Variants in SYT3 observed in about 807,000 individuals in gnomAD.
SYT3 encodes the protein synaptotagmin-3.
Under a neutral mutation model 50.6 loss-of-function variants are expected in SYT3, and 25 were observed. The ratio of observed to expected loss-of-function variants is 0.49; its 90% confidence interval spans 0.36 to 0.69. SYT3 has a LOEUF of 0.69. Among genes scored for constraint, SYT3 ranks in the 30% least tolerant of loss-of-function variants. The pLI is 0.00. For synonymous variants in SYT3, 323 were observed against 353.9 expected (o/e 0.91, Z 0.98); for missense variants, 589 against 793.6 (o/e 0.74, Z 3.10).
At chr19:50,653,694 AC>A in the SYT3 span, among the ~76,000 whole-genome samples, 2 of 107,424 alleles carry the variant, frequency 1.9e-5, no homozygotes, top group Non-Finnish European at 3.4e-5. Flanking sequence ...ACACACACAC[AC>A]ACACACACAC....
chr19:50,651,441 C>T, the SYT3 span, among the ~76,000 whole-genome samples: 1 of 152,176 alleles, frequency 6.6e-6, no homozygotes, highest in Non-Finnish European at 1.5e-5. Context: ...GCTTTCCCTC[C>T]ACCTTGTAAC....
chr19:50,636,841 C>A (rs1218104473), intron 3 of SYT3, among the ~76,000 whole-genome samples: 1 of 152,198 alleles, frequency 6.6e-6, no homozygotes, highest in Non-Finnish European at 1.5e-5. Flanking sequence ...AGTCTTTCAT[C>A]TGCTCTATGA....
chr19:50,640,143 C>G (rs1005158225), upstream of SYT3, among the ~76,000 whole-genome samples: 2 of 152,288 alleles, frequency 1.3e-5, no homozygotes, highest in Admixed American at 1.3e-4. Flanking sequence ...CCCCTCTTCC[C>G]AGGAACCCAG....
At position 50,625,239 on chromosome 19, in the gene SYT3, G is replaced by A. The variant is rs749859807; in HGVS notation, c.1630C>T (p.Pro544Ser). 7 of 1,576,032 alleles carry A rather than the reference G, an allele frequency of 4.4e-6. No homozygotes were observed. In the Admixed American group the frequency reaches 1.1e-4, roughly 24 times the overall value. The change falls in exon 9 of 11, where the codon CCG becomes TCG. Residue 544 changes from proline to serine, a missense_variant. Transcript: ENST00000600079. The surrounding 1 kb of genome is among the most constrained non-coding windows in gnomAD (Gnocchi z 7.5). ...TCTGCCCAGTGCTCGCGGCCGTGCGGGTCGGCAGCGTCGGGGCCCACACGG... is the reference window on the plus strand; with the variant it reads ...TCTGCCCAGTGCTCGCGGCCGTGCGAGTCGGCAGCGTCGGGGCCCACACGG... ...VCRVGPDAAD[P>S]HGREHWAEML...
intron 6 of SYT3, among the ~76,000 whole-genome samples, chr19:50,628,807 A>T (rs1020408409): frequency 6.7e-6 from 1 of 149,718 alleles, no homozygotes; most frequent in African/African-American, 2.5e-5. Context: ...AATGGTGTCC[A>T]CTGTATCATT....
At chr19:50,646,674 G>A in the SYT3 span, among the ~76,000 whole-genome samples, 4 of 152,056 alleles carry the variant, frequency 2.6e-5, no homozygotes, top group Non-Finnish European at 5.9e-5. Flanking sequence ...GCTTCCTGGA[G>A]GAGAGGGCAC....
At chr19:50,655,788 C>T in the SYT3 span, among the ~76,000 whole-genome samples, 1 of 152,208 alleles carries the variant, frequency 6.6e-6, no homozygotes, top group Non-Finnish European at 1.5e-5. Context: ...TCCTGCCTTG[C>T]AGGCTCCCAC....
upstream of SYT3, among the ~76,000 whole-genome samples, chr19:50,640,264 G>T (rs960704405): frequency 3.3e-5 from 5 of 152,216 alleles, no homozygotes; most frequent in Admixed American, 3.3e-4. Context: ...AGGGACCTGG[G>T]TTTGAATCCC....
chr19:50,652,968 C>T, the SYT3 span, among the ~76,000 whole-genome samples: 1 of 152,124 alleles, frequency 6.6e-6, no homozygotes, highest in Non-Finnish European at 1.5e-5. Flanking sequence ...GCTTCTGTTT[C>T]ATCATGTGTT....
In SYT3 at chr19:50,625,761, TCCTCCCTC is replaced by T; in HGVS notation, c.1402+128_1402+135del. On this transcript the variant is annotated intron_variant, in intron 7 of 10. Transcript: ENST00000600079. This position sits in a 1 kb window ranked among gnomAD's most constrained non-coding sequence, Gnocchi z 7.5. ...CCCAGGAGTCCAGGCCCCTGGCCCC[TCCTCCCTC>T]AGACCCAGGAGTCCAGATCCCCAGC... 10 of 813,306 alleles carry T rather than the reference TCCTCCCTC, an allele frequency of 1.2e-5. No homozygotes were observed. Among genetic ancestry groups the T allele is most frequent in the South Asian group, 5.1e-5 (3 of 59,292 alleles). The allele number at this position is 813,306 out of a possible 1,614,324, so 50.4% of individuals were successfully genotyped here.
At position 50,622,077 on chromosome 19, in the gene SYT3, A is replaced by G. The variant is rs1166478681; in HGVS notation, c.*408T>C. ...GGTGTGGCGAACAGAAGGGGTGGACACAGGTGTGTGTGTGTCTGAAAGGAC... is the reference window on the plus strand; with the variant it reads ...GGTGTGGCGAACAGAAGGGGTGGACGCAGGTGTGTGTGTGTCTGAAAGGAC... On this transcript the variant is annotated 3_prime_UTR_variant, in exon 11 of 11. Transcript: ENST00000600079. The G allele has an allele frequency of 2.6e-5, 2 of 78,422 alleles. No individual in the cohort carries two copies. Among genetic ancestry groups the G allele is most frequent in the Non-Finnish European group, 4.9e-5 (2 of 40,620 alleles). The allele number at this position is 78,422 out of a possible 1,614,324, so 4.9% of individuals were successfully genotyped here. A position where few individuals can be genotyped will look rare whatever the true frequency, so the allele number is the denominator to read the frequency against.
chr19:50,634,616 C>T (rs569757251), intron 3 of SYT3, among the ~76,000 whole-genome samples: 15 of 124,788 alleles, frequency 1.2e-4, no homozygotes, highest in South Asian at 5.8e-4. Flanking sequence ...CAGAGTCTTG[C>T]TCTATCATCC....
chr19:50,653,721 CA>C, the SYT3 span, among the ~76,000 whole-genome samples: 1 of 148,876 alleles, frequency 6.7e-6, no homozygotes, highest in Non-Finnish European at 1.5e-5. Context: ...CACACACACA[CA>C]CACACACACA....
At chr19:50,627,496 G>A (rs571771072) in intron 6 of SYT3, among the ~76,000 whole-genome samples, 6 of 152,314 alleles carry the variant, frequency 3.9e-5, no homozygotes, top group African/African-American at 9.6e-5. Context: ...TGAGGTGGGC[G>A]GTTAACCTGA....
chr19:50,637,432 T>C lies in SYT3; in HGVS notation c.-15-6A>G, dbSNP rs2287820. ...GACATGGTGGCCGTCTGGTCCTGTG[T>C]GTGGGAGGGATGGGGCAAGGGTGCA... is the stretch of plus-strand genomic sequence containing the variant. On this transcript the variant is annotated splice_polypyrimidine_tract_variant and splice_region_variant and intron_variant, in intron 2 of 10. Transcript: ENST00000600079. This position sits in a 1 kb window ranked among gnomAD's most constrained non-coding sequence, Gnocchi z 4.9. The C allele has an allele frequency of 0.17, 269,371 of 1,578,262 alleles. 24,066 individuals are homozygous for C. The highest frequency in any genetic ancestry group is 0.18 in the Non-Finnish European group (209,820 of 1,158,634).
At position 50,625,716 on chromosome 19, in the gene SYT3, C is replaced by G; in HGVS notation, c.1403-152G>C. Reference sequence around the variant, plus strand: ...TTCCTCAGGCCCAAGAGTCCAGACCCCAGGTCCTCCTCTCTCCGACCCAGG... The same window carrying G: ...TTCCTCAGGCCCAAGAGTCCAGACCGCAGGTCCTCCTCTCTCCGACCCAGG... On this transcript the variant is annotated intron_variant, in intron 7 of 10. Transcript: ENST00000600079. The surrounding 1 kb of genome is among the most constrained non-coding windows in gnomAD (Gnocchi z 7.5). The G allele has an allele frequency of 7.0e-7, 1 of 1,426,202 alleles. No individual in the cohort carries two copies. Among genetic ancestry groups the G allele is most frequent in the Non-Finnish European group, 9.4e-7 (1 of 1,058,710 alleles). 88.3% of individuals were successfully genotyped at this position (1,426,202 alleles called of 1,614,324 possible). A position where few individuals can be genotyped will look rare whatever the true frequency, so the allele number is the denominator to read the frequency against.
At chr19:50,649,358 G>A in the SYT3 span, 1 of 1,298,474 alleles carries the variant, frequency 7.7e-7, no homozygotes, top group Admixed American at 2.0e-5. Context: ...AGAGGAGGCA[G>A]CGGTGGGGAG....
At chr19:50,646,219 C>T in the SYT3 span, among the ~76,000 whole-genome samples, 5 of 152,104 alleles carry the variant, frequency 3.3e-5, no homozygotes, top group Admixed American at 6.6e-5. Flanking sequence ...CACCAACAGC[C>T]CTTGAAGGTA....
rs1409015578 is a variant in SYT3, at chr19:50,639,012, T to A, written c.-16+13A>T. On this transcript the variant is annotated intron_variant, in intron 2 of 10. Transcript: ENST00000600079. This position sits in a 1 kb window ranked among gnomAD's most constrained non-coding sequence, Gnocchi z 4.6. ...GAAGGCCAGGACTCCAAGACAGGCATGGCCACACTCACCTGCGCTTATCTC... is the reference window on the plus strand; with the variant it reads ...GAAGGCCAGGACTCCAAGACAGGCAAGGCCACACTCACCTGCGCTTATCTC... 6.5e-6 allele frequency: 1 copy of A among 152,852 alleles called. No homozygotes were observed. Among genetic ancestry groups the A allele is most frequent in the African/African-American group, 2.4e-5 (1 of 41,424 alleles). The allele number at this position is 152,852 out of a possible 1,614,324, so 9.5% of individuals were successfully genotyped here. A position where few individuals can be genotyped will look rare whatever the true frequency, so the allele number is the denominator to read the frequency against.
Sources: gnomAD v4.1 joint callset for allele counts (sites outside exome capture counted in the v4.1 genomes callset) on GRCh38, gnomAD v4.1.1 for gene constraint, Gnocchi (gnomAD v3.1) non-coding constraint, MANE v1.5 for transcripts, NCBI Gene and HGNC (gene_info 2026-07-23, HGNC 2026-07-21) for gene names.